Variants in SRGAP3 observed in about 807,000 individuals in gnomAD.
The protein encoded by SRGAP3 is SLIT-ROBO Rho GTPase-activating protein 3.
Under a neutral mutation model 121.1 loss-of-function variants are expected in SRGAP3, and 39 were observed. That is an observed-to-expected ratio of 0.32 (90% CI 0.25 to 0.42). SRGAP3 has a LOEUF of 0.42. Ranked by LOEUF, SRGAP3 falls within the 10% of genes least tolerant of loss-of-function variation. The pLI is 1.00. For synonymous variants in SRGAP3, 601 were observed against 570.0 expected, an observed-to-expected ratio of 1.05 and a Z score of -0.77; for missense variants, 1,213 against 1,470.6, an observed-to-expected ratio of 0.82 and a Z score of 2.86.
chr3:9,123,038 G>T (rs12492274), intron 2 of SRGAP3, among the ~76,000 whole-genome samples: 18,895 of 152,182 alleles, frequency 0.12, 1,266 homozygotes, highest in African/African-American at 0.15. Context: ...CTACCACAGG[G>T]ATGAACTTTG....
chr3:9,299,063 A>T, intron 3 of SRGAP3, among the ~76,000 whole-genome samples: 1 of 149,316 alleles, frequency 6.7e-6, no homozygotes, highest in African/African-American at 2.5e-5. Context: ...AAAAAAAAAA[A>T]AAAAAAAGAA....
chr3:9,045,974 TCA>T (rs1945254165), intron 10 of SRGAP3, among the ~76,000 whole-genome samples: 1 of 152,024 alleles, frequency 6.6e-6, no homozygotes, highest in Non-Finnish European at 1.5e-5. Flanking sequence ...TCCTCCATTC[TCA>T]CTGTTTTTCT....
At chr3:9,170,383 C>A (rs532282222) in intron 1 of SRGAP3, among the ~76,000 whole-genome samples, 16 of 152,152 alleles carry the variant, frequency 1.1e-4, no homozygotes, top group African/African-American at 3.9e-4. Flanking sequence ...CACATGACAG[C>A]CTCGGAGTAG....
intron 3 of SRGAP3, among the ~76,000 whole-genome samples, chr3:9,308,770 C>T (rs1955197574): frequency 6.6e-6 from 1 of 152,164 alleles, no homozygotes; most frequent in Non-Finnish European, 1.5e-5. Context: ...TTCCTTGGCT[C>T]TACCAAGGGA....
intron 1 of SRGAP3, among the ~76,000 whole-genome samples, chr3:9,129,294 T>C (rs1215936252): frequency 6.6e-6 from 1 of 151,614 alleles, no homozygotes; most frequent in Non-Finnish European, 1.5e-5. Context: ...CTCTAAAATG[T>C]GAATATTTAA....
chr3:9,186,285 G>A (rs1022814382), intron 1 of SRGAP3, among the ~76,000 whole-genome samples: 2 of 152,108 alleles, frequency 1.3e-5, no homozygotes, highest in East Asian at 1.9e-4. Context: ...AGAATCTGAC[G>A]TTCTATGTTC....
chr3:9,307,681 A>G (rs2125277135), intron 3 of SRGAP3, among the ~76,000 whole-genome samples: 1 of 152,370 alleles, frequency 6.6e-6, no homozygotes, highest in African/African-American at 2.4e-5. Context: ...AAGCCTACAC[A>G]GATGGCATCT....
intron 1 of SRGAP3, among the ~76,000 whole-genome samples, chr3:9,170,859 G>A (rs1432582029): frequency 6.6e-6 from 1 of 152,206 alleles, no homozygotes; most frequent in Non-Finnish European, 1.5e-5. Context: ...TGTGTAATGA[G>A]CACTGTCTCA....
intron 3 of SRGAP3, among the ~76,000 whole-genome samples, chr3:9,290,076 A>G (rs537795866): frequency 1.3e-5 from 2 of 151,788 alleles, no homozygotes; most frequent in African/African-American, 4.8e-5. Context: ...GTGCCACTGC[A>G]CTCCAGCCTG....
chr3:9,229,467 T>C (rs978010375), intron 1 of SRGAP3, among the ~76,000 whole-genome samples: 2 of 152,174 alleles, frequency 1.3e-5, no homozygotes, highest in African/African-American at 2.4e-5. Flanking sequence ...GAGGCCGGCA[T>C]GGCAACCTCC....
At chr3:9,125,766 A>G (rs1016012997) in intron 1 of SRGAP3, among the ~76,000 whole-genome samples, 2 of 152,214 alleles carry the variant, frequency 1.3e-5, no homozygotes, top group Non-Finnish European at 2.9e-5. Context: ...GGCCATCCCA[A>G]GAGCTGCTCA....
chr3:9,042,379 C>G (rs1364549101), intron 10 of SRGAP3, among the ~76,000 whole-genome samples: 1 of 151,540 alleles, frequency 6.6e-6, no homozygotes. Context: ...ACTCTGGAAT[C>G]CCACCTAGCA....
chr3:9,075,232 G>C (rs1013578400), intron 4 of SRGAP3, among the ~76,000 whole-genome samples: 9 of 151,868 alleles, frequency 5.9e-5, no homozygotes, highest in African/African-American at 2.2e-4. Context: ...ATTGTGTTGG[G>C]CTGATGGGAG....
chr3:9,196,714 A>C (rs190364891), intron 1 of SRGAP3, among the ~76,000 whole-genome samples: 51 of 152,376 alleles, frequency 3.3e-4, no homozygotes, highest in Non-Finnish European at 6.5e-4. Context: ...AAAAATATGC[A>C]GAAAATAATA....
intron 1 of SRGAP3, among the ~76,000 whole-genome samples, chr3:9,240,579 T>C (rs1339286732): frequency 6.6e-6 from 1 of 152,084 alleles, no homozygotes; most frequent in Non-Finnish European, 1.5e-5. Context: ...TATGTATTGA[T>C]CACCAACTAG....
At chr3:9,137,445 C>A (rs1949706228) in intron 1 of SRGAP3, among the ~76,000 whole-genome samples, 1 of 152,048 alleles carries the variant, frequency 6.6e-6, no homozygotes, top group Non-Finnish European at 1.5e-5. Flanking sequence ...CCACTACCAG[C>A]TCCTCCAAAA....
chr3:9,283,731 A>T (rs942739053), intron 3 of SRGAP3, among the ~76,000 whole-genome samples: 3 of 152,238 alleles, frequency 2.0e-5, no homozygotes, highest in African/African-American at 7.2e-5. Context: ...TGACTCTTAT[A>T]CTGACACAAA....
intron 18 of SRGAP3, among the ~76,000 whole-genome samples, chr3:8,997,878 G>GTTTTTT (rs35922221): frequency 8.7e-5 from 13 of 148,788 alleles, no homozygotes; most frequent in African/African-American, 3.2e-4. Context: ...ATTCATAGAG[G>GTTTTTT]TTTTTTTTTT....
At chr3:9,040,857 A>G (rs1041850302) in intron 10 of SRGAP3, among the ~76,000 whole-genome samples, 11 of 152,084 alleles carry the variant, frequency 7.2e-5, no homozygotes, top group African/African-American at 2.7e-4. Context: ...TATCATTAAT[A>G]TTTTTCTTAC....
Sources: gnomAD v4.1 joint callset for allele counts (sites outside exome capture counted in the v4.1 genomes callset) on GRCh38, gnomAD v4.1.1 for gene constraint, MANE v1.5 for transcripts, NCBI Gene and HGNC (gene_info 2026-07-23, HGNC 2026-07-21) for gene names.